ZNF670: variants seen among roughly 807,000 people sequenced by gnomAD.
The protein encoded by ZNF670 is zinc finger protein 670.
Under a neutral mutation model 10.9 loss-of-function variants are expected in ZNF670, and 7 were observed. The ratio of observed to expected loss-of-function variants is 0.64; its 90% CI spans 0.36 to 1.20. ZNF670 has a LOEUF of 1.20. Ranked by LOEUF, ZNF670 falls within the 50% of genes most tolerant of loss-of-function variation. ZNF670 has a pLI of 0.02. For missense variants in ZNF670, 446 were observed against 458.6 expected, an observed-to-expected ratio of 0.97 and a Z score of 0.25; for synonymous variants, 136 against 152.7, an observed-to-expected ratio of 0.89 and a Z score of 0.81.
chr1:247,070,272 C>A (rs966535610), intron 1 of ZNF670, among the ~76,000 whole-genome samples: 14 of 152,154 alleles, frequency 9.2e-5, no homozygotes, highest in African/African-American at 3.4e-4. Flanking sequence ...GAGATCAAGA[C>A]CATCCTGGCT....
At chr1:247,072,916 G>C (rs190073659) in intron 1 of ZNF670, among the ~76,000 whole-genome samples, 2 of 147,012 alleles carry the variant, frequency 1.4e-5, no homozygotes, top group Non-Finnish European at 3.0e-5. Flanking sequence ...GTAACATTAA[G>C]CTACTAAAAA....
At chr1:247,057,683 A>G (rs909167478) in intron 1 of ZNF670, among the ~76,000 whole-genome samples, 1 of 152,262 alleles carries the variant, frequency 6.6e-6, no homozygotes, top group Non-Finnish European at 1.5e-5. Flanking sequence ...TTCATTTGCA[A>G]CAACACGGAT....
At chr1:247,068,014 T>C (rs1249497795) in intron 1 of ZNF670, among the ~76,000 whole-genome samples, 1 of 150,300 alleles carries the variant, frequency 6.7e-6, no homozygotes, top group Admixed American at 6.6e-5. Context: ...AAAAATCTAA[T>C]AATCTGATCA....
chr1:247,071,168 T>C (rs958696863), intron 1 of ZNF670, among the ~76,000 whole-genome samples: 1 of 152,186 alleles, frequency 6.6e-6, no homozygotes, highest in African/African-American at 2.4e-5. Flanking sequence ...GACACATGCA[T>C]GTGTATATTC....
chr1:247,042,968 T>C (rs1670353404), intron 1 of ZNF670: 1 of 719,360 alleles, frequency 1.4e-6, no homozygotes, highest in East Asian at 2.6e-5. Flanking sequence ...TACCAATCCT[T>C]CAACAACCAG....
intron 1 of ZNF670, among the ~76,000 whole-genome samples, chr1:247,040,849 C>T (rs932515453): frequency 1.3e-5 from 2 of 152,068 alleles, no homozygotes; most frequent in African/African-American, 4.8e-5. Context: ...GCATGTGTCA[C>T]CACGCCCAGC....
In ZNF670 at chr1:247,061,447, C is replaced by T. The variant is rs542870931; in HGVS notation, c.3+17147G>A. 1.3e-3 allele frequency among the ~76,000 whole-genome samples: 192 copies of T among 151,814 alleles called. 1 individual carries two copies. The highest frequency in any genetic ancestry group is 7.7e-3 in the South Asian group (37 of 4,810). On this transcript the variant is annotated intron_variant, in intron 1 of 3. Transcript: ENST00000366503. ...CCTCCCAAAATGCTGGGATTACAGGCGAACTTTTAAAAAATAACACAAGCT... is the reference window on the plus strand; with the variant it reads ...CCTCCCAAAATGCTGGGATTACAGGTGAACTTTTAAAAAATAACACAAGCT...
chr1:247,048,791 A>T (rs919086995), intron 1 of ZNF670, among the ~76,000 whole-genome samples: 1 of 152,180 alleles, frequency 6.6e-6, no homozygotes, highest in African/African-American at 2.4e-5. Context: ...TGAAGGAGAA[A>T]CTTGCCAAAC....
intron 1 of ZNF670, among the ~76,000 whole-genome samples, chr1:247,053,835 C>T (rs148014378): frequency 4.2e-4 from 64 of 152,308 alleles, no homozygotes; most frequent in African/African-American, 1.4e-3. Flanking sequence ...ATAGGCACAA[C>T]AAATTTAACA....
intron 1 of ZNF670, among the ~76,000 whole-genome samples, chr1:247,047,774 G>A (rs1210313852): frequency 1.3e-5 from 2 of 152,168 alleles, no homozygotes; most frequent in African/African-American, 2.4e-5. Context: ...CAAGACTTGG[G>A]GCTTGAACCC....
At chr1:247,076,788 G>A (rs1262336837) in intron 1 of ZNF670, among the ~76,000 whole-genome samples, 2 of 151,984 alleles carry the variant, frequency 1.3e-5, no homozygotes, top group African/African-American at 4.8e-5. Context: ...AGCCTCCTGA[G>A]TAGCTGGGAT....
In ZNF670 at chr1:247,059,589, T is replaced by C. The variant is rs1670808977; in HGVS notation, c.3+19005A>G. 3.3e-5 allele frequency among the ~76,000 whole-genome samples: 5 copies of C among 152,150 alleles called. No individual in the cohort carries two copies. In the South Asian group the frequency reaches 1.0e-3, roughly 32 times the overall value. On this transcript the variant is annotated intron_variant, in intron 1 of 3. Coordinates refer to ENST00000366503, the MANE Select transcript of ZNF670 (RefSeq NM_033213.5). ...GCAAAAACCAATTGACTTTATCACA[T>C]CAACAAGATAAACAACAAAAAGTAT...
At position 247,042,949 on chromosome 1, in the gene ZNF670, T is replaced by C. The variant is rs78672229; in HGVS notation, c.4-3412A>G. The C allele has an allele frequency of 3.1e-4, 216 of 696,212 alleles. 1 individual carries two copies. The East Asian group carries it at 5.9e-3, about 19-fold the overall frequency. 43.1% of individuals were successfully genotyped at this position (696,212 alleles called of 1,614,324 possible). A position where few individuals can be genotyped will look rare whatever the true frequency, so the allele number is the denominator to read the frequency against. On this transcript the variant is annotated intron_variant, in intron 1 of 3. Transcript: ENST00000366503. ...TTTCATTCACATTGAAAGATGACAT[T>C]ACATTCGATACCAATCCTTCAACAA...
At chr1:247,057,628 T>A (rs529973945) in intron 1 of ZNF670, among the ~76,000 whole-genome samples, 1 of 152,284 alleles carries the variant, frequency 6.6e-6, no homozygotes, top group South Asian at 2.1e-4. Context: ...GTAGCACATA[T>A]ACAAAATGAT....
At chr1:247,061,770 T>C (rs1171527895) in intron 1 of ZNF670, among the ~76,000 whole-genome samples, 1 of 152,162 alleles carries the variant, frequency 6.6e-6, no homozygotes, top group African/African-American at 2.4e-5. Flanking sequence ...GCAAAGATAT[T>C]GTAGAGAACA....
chr1:247,042,177 G>A (rs1670326402), intron 1 of ZNF670, among the ~76,000 whole-genome samples: 1 of 152,182 alleles, frequency 6.6e-6, no homozygotes, highest in Non-Finnish European at 1.5e-5. Flanking sequence ...CTTATAACGT[G>A]ATCTGAGTCG....
intron 1 of ZNF670, among the ~76,000 whole-genome samples, chr1:247,050,135 T>C (rs1670557062): frequency 6.6e-6 from 1 of 152,220 alleles, no homozygotes; most frequent in Non-Finnish European, 1.5e-5. Context: ...AGTCCCCCAC[T>C]GTTATTGTGT....
intron 1 of ZNF670, among the ~76,000 whole-genome samples, chr1:247,068,804 T>G (rs1469136889): frequency 9.8e-6 from 1 of 102,192 alleles, no homozygotes; most frequent in Non-Finnish European, 1.8e-5. Context: ...TGTGCTAATA[T>G]ACACACACTG....
At chr1:247,063,799 TCTC>T (rs1342526072) in intron 1 of ZNF670, among the ~76,000 whole-genome samples, 58 of 151,418 alleles carry the variant, frequency 3.8e-4, no homozygotes, top group African/African-American at 1.3e-3. Flanking sequence ...AAGTGAAAAC[TCTC>T]CTCCGATGAC....
Sources: allele counts gnomAD v4.1 joint callset (sites outside exome capture counted in the v4.1 genomes callset), GRCh38; gene constraint gnomAD v4.1.1; transcripts MANE v1.5; gene names NCBI Gene and HGNC (gene_info 2026-07-23, HGNC 2026-07-21).